Variants in HSPA12B observed in about 807,000 individuals in gnomAD.
The protein encoded by HSPA12B is heat shock protein family A (Hsp70) member 12B.
Under a neutral mutation model 69.3 loss-of-function variants are expected in HSPA12B, and 54 were observed. That is an observed-to-expected ratio of 0.78 (90% CI 0.63 to 0.98). HSPA12B has a LOEUF of 0.98. Among genes scored for constraint, HSPA12B ranks in the 50% least tolerant of loss-of-function variants. The probability of loss-of-function intolerance (pLI) is 0.00; values close to 1 mark genes in which losing one functional copy is unlikely to be tolerated. For synonymous variants in HSPA12B, 441 were observed against 436.5 expected (o/e 1.01, Z -0.13); for missense variants, 929 against 999.8 (o/e 0.93, Z 0.96).
chr20:3,749,948 T>TAA lies in HSPA12B; in HGVS notation c.1043-21_1043-20insAA. ...GGCCCGGCGAGCGCTGACGCCCTCT[T>TAA]CGCCCCCTGCTCCACCCCAGGGGGC... On this transcript the variant is annotated intron_variant, in intron 10 of 12. Coordinates refer to ENST00000254963, the MANE Select transcript of HSPA12B (RefSeq NM_052970.5). This position sits in a 1 kb window ranked among gnomAD's most constrained non-coding sequence, Gnocchi z 5.5. 12 of 1,550,700 alleles carry TAA rather than the reference T, an allele frequency of 7.7e-6. No individual in the cohort carries two copies. Among genetic ancestry groups the TAA allele is most frequent in the Non-Finnish European group, 1.0e-5 (12 of 1,145,142 alleles).
At position 3,751,846 on chromosome 20, in the gene HSPA12B, G is replaced by A. The variant is rs1181009973; in HGVS notation, c.1741G>A (p.Glu581Lys). The A allele has an allele frequency of 5.2e-6, 8 of 1,543,580 alleles. No individual in the cohort carries two copies. The highest frequency in any genetic ancestry group is 8.7e-7 in the Non-Finnish European group (1 of 1,151,068). ...CGTCTTCGAGCGCTTCGTGGCCGCC[G>A]AGCAGTCGGTGGCCCTGGGCGAGGA... ...TDVFERFVAA[E>K]QSVALGEEVR... Residue 581 changes from glutamate (E) to lysine (K), a missense_variant, in exon 13 of 13, where the codon GAG (glutamate) becomes AAG (lysine). By Grantham distance (56) the Glu-to-Lys change is moderately conservative (BLOSUM62 1). Transcript: ENST00000254963.
intron 3 of HSPA12B, among the ~76,000 whole-genome samples, chr20:3,741,735 G>T (rs1369833673): frequency 1.3e-5 from 2 of 152,184 alleles, no homozygotes; most frequent in Non-Finnish European, 1.5e-5. Context: ...TGGTGATCCA[G>T]CTTAGGGACC....
In HSPA12B at chr20:3,749,930, C is replaced by T. The variant is rs2146589152; in HGVS notation, c.1043-39C>T. 1 of 1,544,866 alleles carries T rather than the reference C, an allele frequency of 6.5e-7. No homozygotes were observed. The highest frequency in any genetic ancestry group is 2.4e-5 in the East Asian group (1 of 41,834). On this transcript the variant is annotated intron_variant, in intron 10 of 12. Coordinates refer to ENST00000254963, the MANE Select transcript of HSPA12B (RefSeq NM_052970.5). The surrounding 1 kb of genome is among the most constrained non-coding windows in gnomAD (Gnocchi z 5.5). Reference sequence around the variant, plus strand: ...CCGCCACTGCCCCCTGGCGGCCCGGCGAGCGCTGACGCCCTCTTCGCCCCC... The same window carrying T: ...CCGCCACTGCCCCCTGGCGGCCCGGTGAGCGCTGACGCCCTCTTCGCCCCC...
intron 1 of HSPA12B, 134 bp from the exon 2 acceptor site, chr20:3,738,524 G>T: frequency 1.3e-6 from 1 of 746,822 alleles, no homozygotes; most frequent in South Asian, 1.7e-5. Context: ...GAGTTCACGG[G>T]TGAAACAACA....
Position 3,751,969 on chromosome 20 carries a change from C to T in HSPA12B, c.1864C>T (p.Pro622Ser), listed in dbSNP as rs774609739. Residue 622 changes from proline to serine, a missense_variant, in exon 13 of 13, where the codon CCC becomes TCC. By Grantham distance (74) the Pro-to-Ser change is moderately conservative. Coordinates refer to ENST00000254963, the MANE Select transcript of HSPA12B (RefSeq NM_052970.5). ...AGAGGATGCGCGCTTCATCACCGACCCCGGCGTGCGCAAATGCGGCGCGCT... is the reference window on the plus strand; with the variant it reads ...AGAGGATGCGCGCTTCATCACCGACTCCGGCGTGCGCAAATGCGGCGCGCT... Reference protein sequence around the residue: ...AAEDARFITDPGVRKCGALSL... With the variant: ...AAEDARFITDSGVRKCGALSL... 6.3e-7 allele frequency: 1 copy of T among 1,579,164 alleles called. No homozygotes were observed. The highest frequency in any genetic ancestry group is 8.6e-7 in the Non-Finnish European group (1 of 1,167,914).
rs962102117 is a variant in HSPA12B, at chr20:3,737,284, G to A, written c.-17-1374G>A. On this transcript the variant is annotated intron_variant, in intron 1 of 12. Transcript: ENST00000254963. This position sits in a 1 kb window ranked among gnomAD's most constrained non-coding sequence, Gnocchi z 4.1. ...GCCCCAGAACTTCATAGACAGGATC[G>A]AGCCCCTCCCATCTTAGAAAATAAA... Among the ~76,000 whole-genome samples, 1 of 152,012 alleles carries A rather than the reference G, an allele frequency of 6.6e-6. No individual in the cohort carries two copies. The highest frequency in any genetic ancestry group is 2.4e-5 in the African/African-American group (1 of 41,366).
At position 3,751,754 on chromosome 20, in the gene HSPA12B, G is replaced by A. The variant is rs1269389645; in HGVS notation, c.1649G>A (p.Arg550His). ...PLTYGVGVLNRFVPGRHPPEK... is the reference protein window; with the variant it reads ...PLTYGVGVLNHFVPGRHPPEK... ...ACCTATGGCGTGGGCGTGCTCAACC[G>A]CTTTGTGCCTGGGCGCCACCCGCCC... The change falls in exon 13 of 13, where the codon CGC (arginine) becomes CAC (histidine). Residue 550 changes from arginine (R) to histidine (H), a missense_variant. By Grantham distance (29) the Arg-to-His change is conservative. Transcript: ENST00000254963. The A allele has an allele frequency of 2.0e-6, 3 of 1,523,950 alleles. No homozygotes were observed. The highest frequency in any genetic ancestry group is 1.2e-5 in the South Asian group (1 of 82,510). The allele number at this position is 1,523,950 out of a possible 1,614,324, so 94.4% of individuals were successfully genotyped here.
At chr20:3,733,987 G>A (rs1189010529) in intron 1 of HSPA12B, among the ~76,000 whole-genome samples, 1 of 152,188 alleles carries the variant, frequency 6.6e-6, no homozygotes, top group Non-Finnish European at 1.5e-5. Context: ...CACAGGAAGA[G>A]ATCCTCCGAG....
In HSPA12B at chr20:3,752,637, C is replaced by T. The variant is rs564236881; in HGVS notation, c.*471C>T. On this transcript the variant is annotated 3_prime_UTR_variant, in exon 13 of 13. Transcript: ENST00000254963. Reference sequence around the variant, plus strand: ...CCAACCGGGAGCCAGGCAGAAAAACCCTGTGCCGTAGGAAAGTGACTGGAA... The same window carrying T: ...CCAACCGGGAGCCAGGCAGAAAAACTCTGTGCCGTAGGAAAGTGACTGGAA... The T allele has an allele frequency of 1.9e-5, 3 of 159,426 alleles. No individual in the cohort carries two copies. The highest frequency in any genetic ancestry group is 4.2e-5 in the Non-Finnish European group (3 of 72,156). 9.9% of individuals were successfully genotyped at this position (159,426 alleles called of 1,614,324 possible).
intron 1 of HSPA12B, among the ~76,000 whole-genome samples, chr20:3,734,612 C>G (rs2088079683): frequency 2.0e-5 from 3 of 152,140 alleles, no homozygotes; most frequent in Admixed American, 1.3e-4. Flanking sequence ...CTGGGCTTGT[C>G]CCGTGTTCTG....
chr20:3,744,749 C>T lies in HSPA12B; in HGVS notation c.267-153C>T, dbSNP rs539909317. 6.6e-6 allele frequency among the ~76,000 whole-genome samples: 1 copy of T among 152,346 alleles called. No homozygotes were observed. The highest frequency in any genetic ancestry group is 2.4e-5 in the African/African-American group (1 of 41,578). Reference sequence around the variant, plus strand: ...TGTGCTCTTCATGATCTCACCTTAGCATTCTTGTGTTTTCTCCTGCTGCCT... The same window carrying T: ...TGTGCTCTTCATGATCTCACCTTAGTATTCTTGTGTTTTCTCCTGCTGCCT... On this transcript the variant is annotated intron_variant, in intron 4 of 12. Coordinates refer to ENST00000254963, the MANE Select transcript of HSPA12B (RefSeq NM_052970.5). This position sits in a 1 kb window ranked among gnomAD's most constrained non-coding sequence, Gnocchi z 4.9.
rs375771012 is a variant in HSPA12B at position 3,739,538 on chromosome 20, C to G, written c.43+821C>G. ...TCCTTCCTGCCTCCCTTCCCAAGCT[C>G]GAGCCACAGCAACTTGGCCTCTCGG... On this transcript the variant is annotated intron_variant, in intron 2 of 12. Transcript: ENST00000254963. 2.4e-3 allele frequency among the ~76,000 whole-genome samples: 370 copies of G among 152,304 alleles called. 2 individuals are homozygous for G. The highest frequency in any genetic ancestry group is 3.3e-3 in the Non-Finnish European group (225 of 68,016).
At chr20:3,747,851 C>G (rs1474531517) in intron 7 of HSPA12B, among the ~76,000 whole-genome samples, 1 of 152,262 alleles carries the variant, frequency 6.6e-6, no homozygotes, top group Non-Finnish European at 1.5e-5. Context: ...GCCAATACCC[C>G]CAGCCAGCGC....
chr20:3,740,686 T>C lies in HSPA12B; in HGVS notation c.44-129T>C, dbSNP rs566408919. 2.7e-4 allele frequency: 193 copies of C among 722,276 alleles called. No homozygotes were observed. The highest frequency in any genetic ancestry group is 5.1e-4 in the Admixed American group (24 of 47,026). The allele number at this position is 722,276 out of a possible 1,614,324, so 44.7% of individuals were successfully genotyped here. On this transcript the variant is annotated intron_variant, in intron 2 of 12. Transcript: ENST00000254963. This position sits in a 1 kb window ranked among gnomAD's most constrained non-coding sequence, Gnocchi z 4.9. ...TCTTTCCTACACCCCGCAGTCCTCC[T>C]CCCCAGCAGAGAGCCCTTTGCCTTA...
intron 1 of HSPA12B, among the ~76,000 whole-genome samples, chr20:3,736,545 C>T (rs930685849): frequency 6.6e-6 from 1 of 152,232 alleles, no homozygotes; most frequent in Non-Finnish European, 1.5e-5. Flanking sequence ...TATAGCAAAA[C>T]TTTCAGATTG....
At position 3,750,045 on chromosome 20, in the gene HSPA12B, C is replaced by A; in HGVS notation, c.1119C>A (p.Ile373=). The change falls in exon 11 of 13, where the codon ATC becomes ATA. Residue 373 remains isoleucine (I), a synonymous_variant. Coordinates refer to ENST00000254963, the MANE Select transcript of HSPA12B (RefSeq NM_052970.5). ...LLCRIFGEDF[I]ATFKRQRPAA... Reference sequence around the variant, plus strand: ...GCCGCATCTTCGGCGAGGACTTCATCGCCACCTTCAAAAGGCAACGGCCGG... The same window carrying A: ...GCCGCATCTTCGGCGAGGACTTCATAGCCACCTTCAAAAGGCAACGGCCGG... The A allele has an allele frequency of 1.9e-6, 3 of 1,608,032 alleles. No individual in the cohort carries two copies. Among genetic ancestry groups the A allele is most frequent in the Non-Finnish European group, 2.5e-6 (3 of 1,177,846 alleles).
In HSPA12B at chr20:3,751,738, G is replaced by A. The variant is rs1234263884; in HGVS notation, c.1633G>A (p.Val545Met). ...RVRRSPLTYGVGVLNRFVPGR... is the reference protein window; with the variant it reads ...RVRRSPLTYGMGVLNRFVPGR... ...CCGCCGCTCGCCGCTCACCTATGGC[G>A]TGGGCGTGCTCAACCGCTTTGTGCC... Residue 545 changes from valine (V) to methionine (M), a missense_variant, in exon 13 of 13, where the codon GTG (valine) becomes ATG (methionine). Around this residue, in one of 3 missense-constraint regions of HSPA12B, gnomAD observed 448 missense variants for 448.1 expected, o/e 1.00. Transcript: ENST00000254963. 3 of 1,518,790 alleles carry A rather than the reference G, an allele frequency of 2.0e-6. No homozygotes were observed. Among genetic ancestry groups the A allele is most frequent in the Non-Finnish European group, 1.8e-6 (2 of 1,138,720 alleles). The allele number at this position is 1,518,790 out of a possible 1,614,324, so 94.1% of individuals were successfully genotyped here. A position where few individuals can be genotyped will look rare whatever the true frequency, so the allele number is the denominator to read the frequency against.
Position 3,751,547 on chromosome 20 carries a change from A to G in HSPA12B, c.1442A>G (p.Lys481Arg). 1 of 1,485,522 alleles carries G rather than the reference A, an allele frequency of 6.7e-7. No individual in the cohort carries two copies. The highest frequency in any genetic ancestry group is 8.9e-7 in the Non-Finnish European group (1 of 1,119,378). The allele number at this position is 1,485,522 out of a possible 1,614,324, so 92.0% of individuals were successfully genotyped here. A position where few individuals can be genotyped will look rare whatever the true frequency, so the allele number is the denominator to read the frequency against. ...LLARPEVQGV[K>R]LLFLVGGFAE... ...GCACGGCCGGAGGTGCAGGGTGTGA[A>G]GCTGCTGTTCCTAGTGGGCGGCTTC... The change falls in exon 13 of 13, where the codon AAG becomes AGG. Residue 481 changes from lysine to arginine, a missense_variant. By Grantham distance (26) the Lys-to-Arg change is conservative. Coordinates refer to ENST00000254963, the MANE Select transcript of HSPA12B (RefSeq NM_052970.5).
chr20:3,751,169 TTATCACAGGGA>T, intron 12 of HSPA12B: 1 of 875,522 alleles, frequency 1.1e-6, no homozygotes, highest in Non-Finnish European at 1.4e-6. Flanking sequence ...TCTCAAAACG[TTATCACAGGGA>T]TAAAATGAGC....
Sources: gnomAD v4.1 joint callset for allele counts (sites outside exome capture counted in the v4.1 genomes callset) on GRCh38, gnomAD v4.1.1 for gene constraint, gnomAD v4.1.1 regional missense constraint, Gnocchi (gnomAD v3.1) non-coding constraint, MANE v1.5 for transcripts, NCBI Gene and HGNC (gene_info 2026-07-23, HGNC 2026-07-21) for gene names.